Variants in NAE1 observed in about 807,000 individuals in gnomAD.
The protein encoded by NAE1 is NEDD8 activating enzyme E1 subunit 1.
A neutral mutation model predicts 88.0 loss-of-function variants in NAE1; 59 were observed. The ratio of observed to expected loss-of-function variants is 0.67; its 90% CI spans 0.54 to 0.83. The LOEUF is 0.83. Ranked by LOEUF, NAE1 falls within the 40% of genes least tolerant of loss-of-function variation. The probability of loss-of-function intolerance (pLI) is 0.00; values close to 1 mark genes in which losing one functional copy is unlikely to be tolerated. For missense variants in NAE1, 554 were observed against 632.8 expected (o/e 0.88, Z 1.34); for synonymous variants, 186 against 208.9 (o/e 0.89, Z 0.95).
intron 8 of NAE1, among the ~76,000 whole-genome samples, chr16:66,817,690 T>C (rs1156612460): frequency 9.2e-5 from 14 of 152,144 alleles, no homozygotes; most frequent in Admixed American, 9.2e-4. Context: ...TATACTATGA[T>C]TGTCCCCATT....
At position 66,808,398 on chromosome 16, in the gene NAE1, G is replaced by C. The variant is rs531963847; in HGVS notation, c.1330+123C>G. ...GTGGTTCTTCACTGGGGAACGTTTG[G>C]GGTGTAATCTGTTTACAATGTGAAA... On this transcript the variant is annotated intron_variant, in intron 17 of 19. Transcript: ENST00000290810. The C allele has an allele frequency of 1.0e-4, 70 of 692,378 alleles. 1 individual carries two copies. In the South Asian group the frequency reaches 1.3e-3, roughly 13 times the overall value. The allele number at this position is 692,378 out of a possible 1,614,324, so 42.9% of individuals were successfully genotyped here. A position where few individuals can be genotyped will look rare whatever the true frequency, so the allele number is the denominator to read the frequency against.
intron 6 of NAE1, among the ~76,000 whole-genome samples, chr16:66,822,995 G>A (rs1960329051): frequency 7.1e-6 from 1 of 140,154 alleles, no homozygotes; most frequent in Non-Finnish European, 1.5e-5. Flanking sequence ...GACCAGGCAC[G>A]TTGGCTCACA....
rs766996258 is a variant in NAE1 at position 66,830,837 on chromosome 16, C to G, written c.53+10G>C. On this transcript the variant is annotated intron_variant, in intron 1 of 19. Coordinates refer to ENST00000290810, the MANE Select transcript of NAE1 (RefSeq NM_003905.4). ...CCGGCCCGCCCTCGGCTCGGTGAGCCTCGGCTCACCTCAGCTGCCGGTCGT... is the reference window on the plus strand; with the variant it reads ...CCGGCCCGCCCTCGGCTCGGTGAGCGTCGGCTCACCTCAGCTGCCGGTCGT... 1.3e-5 allele frequency: 20 copies of G among 1,513,054 alleles called. No individual in the cohort carries two copies. The highest frequency in any genetic ancestry group is 1.8e-5 in the Non-Finnish European group (20 of 1,138,218). The allele number at this position is 1,513,054 out of a possible 1,614,324, so 93.7% of individuals were successfully genotyped here.
At chr16:66,809,102 G>T in intron 15 of NAE1, 27 bp from the exon 16 acceptor site, 3 of 1,541,458 alleles carry the variant, frequency 1.9e-6, no homozygotes, top group Non-Finnish European at 2.7e-6. Context: ...TATTCTGGAA[G>T]TAATGACTGT....
intron 17 of NAE1, among the ~76,000 whole-genome samples, chr16:66,807,644 G>GAA (rs397932750): frequency 1.9e-3 from 263 of 139,750 alleles, no homozygotes; most frequent in Middle Eastern, 3.6e-3. Context: ...CGTCTCAAAA[G>GAA]AAAAAAAAAA....
rs373607253 is a variant in NAE1 at position 66,823,266 on chromosome 16, C to T, written c.362G>A (p.Cys121Tyr). 4.9e-5 allele frequency: 79 copies of T among 1,604,816 alleles called. No individual in the cohort carries two copies. Among genetic ancestry groups the T allele is most frequent in the East Asian group, 1.8e-4 (8 of 44,650 alleles). Residue 121 changes from cysteine (C) to tyrosine (Y), a missense_variant, in exon 6 of 20, where the codon TGT becomes TAT. Transcript: ENST00000290810. ...AGTTGCAACTACAACAGTAAACCTA[C>T]AGAAAAATGAGGGATCATTGTCTAG... ...NLLDNDPSFF[C>Y]RFTVVVATQL...
In NAE1 at chr16:66,830,918, GA is replaced by G; in HGVS notation, c.-20del. 6.6e-7 allele frequency: 1 copy of G among 1,526,246 alleles called. No individual in the cohort carries two copies. Among genetic ancestry groups the G allele is most frequent in the Non-Finnish European group, 8.7e-7 (1 of 1,145,548 alleles). 94.5% of individuals were successfully genotyped at this position (1,526,246 alleles called of 1,614,324 possible). A position where few individuals can be genotyped will look rare whatever the true frequency, so the allele number is the denominator to read the frequency against. On this transcript the variant is annotated 5_prime_UTR_variant, in exon 1 of 20. Transcript: ENST00000290810. ...GCGCCATGGCCGCGCCTGCCGCGCG[GA>G]AAACAGCCGAGCCCCTGCGGAGCGC...
In NAE1 at chr16:66,823,638, A is replaced by C. The variant is rs756482104; in HGVS notation, c.250-38T>G. The C allele has an allele frequency of 2.8e-4, 440 of 1,551,514 alleles. 4 individuals carry two copies. In the East Asian group the frequency reaches 8.1e-3, roughly 28 times the overall value. On this transcript the variant is annotated intron_variant, in intron 4 of 19. Coordinates refer to ENST00000290810, the MANE Select transcript of NAE1 (RefSeq NM_003905.4). ...AAAGCATTTAACTTGAATTAGAAAA[A>C]ACTTGGTCACAATATAATCCCCCAA...
chr16:66,804,350 C>A (rs1457052917), intron 19 of NAE1, among the ~76,000 whole-genome samples: 1 of 152,056 alleles, frequency 6.6e-6, no homozygotes, highest in Non-Finnish European at 1.5e-5. Flanking sequence ...TGGACTGCAT[C>A]TGAATAAATA....
chr16:66,803,017 G>C lies in NAE1; in HGVS notation c.1597C>G (p.Gln533Glu), dbSNP rs754724356. ...SGMSQTSATFQL is the reference protein window; with the variant it reads ...SGMSQTSATFEL ...TAAGGTGCTTGCTTACTCTACAACT[G>C]GAAAGTTGCTGAAGTTTGTGACATG... is the stretch of plus-strand genomic sequence containing the variant. The change falls in exon 20 of 20, where the codon CAG becomes GAG. Residue 533 changes from glutamine to glutamate, a missense_variant. Transcript: ENST00000290810. 1.9e-6 allele frequency: 3 copies of C among 1,593,574 alleles called. No homozygotes were observed. In the South Asian group the frequency reaches 3.3e-5, roughly 18 times the overall value.
chr16:66,805,641 A>C, intron 19 of NAE1, 136 bp downstream of exon 19: 1 of 789,428 alleles, frequency 1.3e-6, no homozygotes, highest in Non-Finnish European at 1.8e-6. Flanking sequence ...GCGTCTCAAA[A>C]AAAAAAAAAA....
At chr16:66,805,630 T>G (rs1010506842) in intron 19 of NAE1, 147 bp downstream of exon 19, 9 of 641,970 alleles carry the variant, frequency 1.4e-5, no homozygotes, top group Non-Finnish European at 1.6e-5. Context: ...ACAGTGAGAC[T>G]GCGTCTCAAA....
intron 9 of NAE1, 180 bp from the exon 10 acceptor site, chr16:66,817,208 CT>C: frequency 1.1e-6 from 1 of 930,002 alleles, no homozygotes; most frequent in Non-Finnish European, 1.6e-6. Flanking sequence ...TTCATTCCCC[CT>C]GCCAGTTTCA....
At chr16:66,825,944 G>C (rs897481984) in intron 3 of NAE1, among the ~76,000 whole-genome samples, 4 of 152,104 alleles carry the variant, frequency 2.6e-5, no homozygotes, top group Admixed American at 1.3e-4. Context: ...CCAAAGAAAA[G>C]GCATCAAAAC....
intron 3 of NAE1, chr16:66,826,078 T>C (rs1161891387): frequency 6.3e-6 from 1 of 157,692 alleles, no homozygotes; most frequent in Non-Finnish European, 1.4e-5. Flanking sequence ...AATTTGGGCA[T>C]GTTCTGAAAG....
intron 7 of NAE1, among the ~76,000 whole-genome samples, chr16:66,821,137 C>A (rs1295995294): frequency 1.3e-5 from 2 of 152,140 alleles, no homozygotes; most frequent in Admixed American, 1.3e-4. Context: ...GATCCACATT[C>A]CTTAGCTCTC....
chr16:66,830,018 T>G (rs1960630366), intron 1 of NAE1, among the ~76,000 whole-genome samples: 1 of 152,170 alleles, frequency 6.6e-6, no homozygotes, highest in Non-Finnish European at 1.5e-5. Flanking sequence ...CCAGAGTAAC[T>G]GGGATTACAG....
intron 19 of NAE1, among the ~76,000 whole-genome samples, chr16:66,803,875 T>C (rs1230620842): frequency 6.6e-6 from 1 of 151,952 alleles, no homozygotes; most frequent in Admixed American, 6.6e-5. Flanking sequence ...TTACAAGCAT[T>C]AGCCACCGCG....
intron 1 of NAE1, chr16:66,827,936 T>C (rs1410674211): frequency 6.5e-7 from 1 of 1,536,582 alleles, no homozygotes; most frequent in African/African-American, 1.4e-5. Flanking sequence ...TTCTCTCGCC[T>C]CAGCCTCTAG....
Sources: allele counts gnomAD v4.1 joint callset (sites outside exome capture counted in the v4.1 genomes callset), GRCh38; gene constraint gnomAD v4.1.1; transcripts MANE v1.5; gene names NCBI Gene and HGNC (gene_info 2026-07-23, HGNC 2026-07-21).